The following PHC3 variants were observed in gnomAD, a reference collection of about 807,000 sequenced individuals.
The protein encoded by PHC3 is polyhomeotic-like protein 3.
In PHC3, 13 loss-of-function variants were observed where a neutral mutation model predicts 107.4. The observed-to-expected ratio is 0.12, with a 90% CI of 0.08 to 0.19. The LOEUF is 0.19. Among genes scored for constraint, PHC3 ranks in the 10% least tolerant of loss-of-function variants. The pLI, the probability that PHC3 is intolerant of heterozygous loss-of-function variation, is 1.00. For missense variants in PHC3, 992 were observed against 1,210.9 expected (o/e 0.82, Z 2.68); for synonymous variants, 456 against 427.4 (o/e 1.07, Z -0.83).
chr3:170,098,300 TGAGA>T (rs760419715), intron 14 of PHC3, among the ~76,000 whole-genome samples: 4 of 152,170 alleles, frequency 2.6e-5, no homozygotes, highest in African/African-American at 4.8e-5. Context: ...GAAGCTTTCT[TGAGA>T]GACAGTAAAA....
chr3:170,108,619 G>T (rs1285797393), intron 11 of PHC3, among the ~76,000 whole-genome samples: 1 of 152,144 alleles, frequency 6.6e-6, no homozygotes, highest in African/African-American at 2.4e-5. Flanking sequence ...CCAGTCAGGA[G>T]ATCCACCAAC....
intron 8 of PHC3, among the ~76,000 whole-genome samples, chr3:170,124,881 T>C (rs1195145793): frequency 1.3e-5 from 2 of 152,072 alleles, no homozygotes; most frequent in African/African-American, 2.4e-5. Flanking sequence ...AACAGTAAGT[T>C]ATAAAGGTAA....
chr3:170,099,039 A>G (rs1715033820), intron 14 of PHC3, among the ~76,000 whole-genome samples: 1 of 152,124 alleles, frequency 6.6e-6, no homozygotes, highest in Non-Finnish European at 1.5e-5. Context: ...TCTTACTTAC[A>G]AGAACACAGG....
Position 170,097,077 on chromosome 3 carries a change from T to C in PHC3, c.*153A>G. 1 of 587,556 alleles carries C rather than the reference T, an allele frequency of 1.7e-6. No homozygotes were observed. The highest frequency in any genetic ancestry group is 2.8e-6 in the Non-Finnish European group (1 of 356,196). The allele number at this position is 587,556 out of a possible 1,614,324, so 36.4% of individuals were successfully genotyped here. A position where few individuals can be genotyped will look rare whatever the true frequency, so the allele number is the denominator to read the frequency against. ...AAAATGCATGATGAATTATTATACC[T>C]GTAGAAGAAATGTCAGTATTTGATG... On this transcript the variant is annotated 3_prime_UTR_variant, in exon 15 of 15. Transcript: ENST00000495893. The surrounding 1 kb of genome is among the most constrained non-coding windows in gnomAD (Gnocchi z 4.1).
intron 1 of PHC3, among the ~76,000 whole-genome samples, chr3:170,181,212 C>T (rs1731357235): frequency 2.0e-5 from 3 of 152,216 alleles, no homozygotes; most frequent in Admixed American, 2.0e-4. Context: ...AGCGGGCAGC[C>T]CCGCGTGTCG....
At position 170,113,476 on chromosome 3, in the gene PHC3, CG is replaced by C; in HGVS notation, c.2236del (p.Arg746GlyfsTer8). ...SLLIEQPVKKRPLLDNQVINS... is the reference protein window; with the variant it reads ...SLLIEQPVKKXPLLDNQVINS... The stretch of plus-strand genomic sequence containing the variant: ...TATCACCTGATTATCCAAAAGAGGC[CG>C]TTTTTTCACAGGCTGTTCTATTAGC... On this transcript the variant is annotated frameshift_variant, in exon 11 of 15. Coordinates refer to ENST00000495893, the MANE Select transcript of PHC3 (RefSeq NM_024947.4). LOFTEE classifies it high-confidence loss of function. 1 of 1,611,592 alleles carries C rather than the reference CG, an allele frequency of 6.2e-7. No homozygotes were observed. The highest frequency in any genetic ancestry group is 8.5e-7 in the Non-Finnish European group (1 of 1,178,766).
intron 4 of PHC3, chr3:170,169,581 CA>C (rs1180166453): frequency 6.6e-6 from 1 of 152,140 alleles, no homozygotes; most frequent in Non-Finnish European, 1.5e-5. Flanking sequence ...CCCCACCAGC[CA>C]TTTACAGCTT....
intron 9 of PHC3, among the ~76,000 whole-genome samples, chr3:170,119,956 G>A (rs1374150734): frequency 3.9e-5 from 6 of 152,300 alleles, no homozygotes; most frequent in Admixed American, 2.6e-4. Flanking sequence ...CCAGAGAGAT[G>A]TGCTTGTCAG....
Position 170,102,668 on chromosome 3 carries a change from G to A in PHC3, c.2644C>T (p.His882Tyr), listed in dbSNP as rs750218946. 76 of 1,613,826 alleles carry A rather than the reference G, an allele frequency of 4.7e-5. No homozygotes were observed. Among genetic ancestry groups the A allele is most frequent in the Non-Finnish European group, 6.4e-5 (75 of 1,179,860 alleles). ...YPSAEEDLAS[H>Y]EDSVPSAMTT... ...ATAGCAGATGGCACAGAATCTTCATGAGAAGCCAAGTCTTCTTCTGCAGAT... is the reference window on the plus strand; with the variant it reads ...ATAGCAGATGGCACAGAATCTTCATAAGAAGCCAAGTCTTCTTCTGCAGAT... Residue 882 changes from histidine (H) to tyrosine (Y), a missense_variant, in exon 14 of 15, where the codon CAT becomes TAT. By Grantham distance (83) the His-to-Tyr change is moderately conservative (BLOSUM62 2). Coordinates refer to ENST00000495893, the MANE Select transcript of PHC3 (RefSeq NM_024947.4).
At chr3:170,139,984 C>T (rs954839281) in intron 6 of PHC3, among the ~76,000 whole-genome samples, 1 of 151,884 alleles carries the variant, frequency 6.6e-6, no homozygotes, top group Non-Finnish European at 1.5e-5. Context: ...GTTATTTTTG[C>T]TAATTTCACA....
chr3:170,134,408 T>C (rs1250444408), intron 7 of PHC3, among the ~76,000 whole-genome samples: 1 of 152,162 alleles, frequency 6.6e-6, no homozygotes, highest in Non-Finnish European at 1.5e-5. Context: ...CAGGCTGGTC[T>C]AGAACTCCCG....
chr3:170,150,531 TA>T (rs1168514834), intron 4 of PHC3: 3,526 of 77,476 alleles, frequency 0.046, 93 homozygotes, highest in African/African-American at 0.12. Flanking sequence ...CTGTCTCTAC[TA>T]AAAAAAAAAA....
chr3:170,118,636 C>G (rs1451446348), intron 9 of PHC3, among the ~76,000 whole-genome samples: 1 of 152,172 alleles, frequency 6.6e-6, no homozygotes, highest in African/African-American at 2.4e-5. Flanking sequence ...TGGTCTCTAT[C>G]TCCAGACCTT....
intron 4 of PHC3, among the ~76,000 whole-genome samples, chr3:170,163,068 C>T (rs1483919396): frequency 6.6e-6 from 1 of 152,094 alleles, no homozygotes; most frequent in Non-Finnish European, 1.5e-5. Context: ...GTTCGTCTAT[C>T]CCTAGCTCCA....
Position 170,091,075 on chromosome 3 carries a change from C to G in PHC3, c.*6155G>C, listed in dbSNP as rs1714046476. On this transcript the variant is annotated 3_prime_UTR_variant, in exon 15 of 15. Transcript: ENST00000495893. Reference sequence around the variant, plus strand: ...CACCCCACCACTCTCTCATAAACACCAACTTTTTCACCACCATCACTTAAA... The same window carrying G: ...CACCCCACCACTCTCTCATAAACACGAACTTTTTCACCACCATCACTTAAA... 1 of 152,116 alleles carries G rather than the reference C, an allele frequency of 6.6e-6. No homozygotes were observed. Among genetic ancestry groups the G allele is most frequent in the Non-Finnish European group, 1.5e-5 (1 of 68,002 alleles). 9.4% of individuals were successfully genotyped at this position (152,116 alleles called of 1,614,324 possible).
intron 7 of PHC3, among the ~76,000 whole-genome samples, chr3:170,135,610 A>G (rs1383901396): frequency 6.6e-6 from 1 of 152,140 alleles, no homozygotes; most frequent in East Asian, 1.9e-4. Flanking sequence ...GAAACAAAGG[A>G]AAAGGTCTAG....
rs1248261569 is a variant in PHC3 at position 170,149,340 on chromosome 3, A to C, written c.415-96T>G. 4 of 1,234,418 alleles carry C rather than the reference A, an allele frequency of 3.2e-6. No homozygotes were observed. In the South Asian group the frequency reaches 5.4e-5, roughly 17 times the overall value. The allele number at this position is 1,234,418 out of a possible 1,614,324, so 76.5% of individuals were successfully genotyped here. On this transcript the variant is annotated intron_variant, in intron 4 of 14. Coordinates refer to ENST00000495893, the MANE Select transcript of PHC3 (RefSeq NM_024947.4). ...CTGCAGTTAGGCAATCAATGGTATA[A>C]ACTGTGGCTAAGGAACCCAAAGGAG...
chr3:170,158,725 G>A (rs1007025531), intron 4 of PHC3, among the ~76,000 whole-genome samples: 6 of 151,688 alleles, frequency 4.0e-5, no homozygotes, highest in East Asian at 3.9e-4. Flanking sequence ...TCAGGAGTTC[G>A]AGACCAGCCT....
chr3:170,138,553 G>A (rs1184370073), intron 6 of PHC3, among the ~76,000 whole-genome samples: 3 of 151,958 alleles, frequency 2.0e-5, no homozygotes, highest in African/African-American at 7.3e-5. Flanking sequence ...AGCCAGATGT[G>A]GGGGCAGGTG....
Sources: gnomAD v4.1 joint callset for allele counts (sites outside exome capture counted in the v4.1 genomes callset) on GRCh38, gnomAD v4.1.1 for gene constraint, Gnocchi (gnomAD v3.1) non-coding constraint, MANE v1.5 for transcripts, NCBI Gene and HGNC (gene_info 2026-07-23, HGNC 2026-07-21) for gene names.